Variants in CFAP68 observed in about 807,000 individuals in gnomAD.
The protein encoded by CFAP68 is cilia- and flagella-associated protein 68.
the CFAP68 span, chr11:111,882,549 AAAG>A: frequency 6.2e-7 from 1 of 1,613,754 alleles, no homozygotes; most frequent in Non-Finnish European, 8.5e-7. Flanking sequence ...TGGAACCAGG[AAAG>A]ATATGACCTG....
At chr11:111,881,506 T>C in the CFAP68 span, 8 of 1,536,082 alleles carry the variant, frequency 5.2e-6, no homozygotes, top group Non-Finnish European at 7.0e-6. Context: ...CCAGGTTTGT[T>C]GACATCTTTA....
the CFAP68 span, chr11:111,880,705 C>T: frequency 2.2e-6 from 1 of 452,746 alleles, no homozygotes; most frequent in Non-Finnish European, 4.4e-6. Flanking sequence ...ATGGAGTAGC[C>T]ATTCTTTATT....
At chr11:111,880,310 C>G in the CFAP68 span, among the ~76,000 whole-genome samples, 1 of 152,112 alleles carries the variant, frequency 6.6e-6, no homozygotes, top group African/African-American at 2.4e-5. Flanking sequence ...GGTATTTATA[C>G]CAGAGCAACT....
chr11:111,881,215 A>G, the CFAP68 span: 2 of 1,338,968 alleles, frequency 1.5e-6, no homozygotes, highest in Admixed American at 3.5e-5. Context: ...TTCCAGCCCT[A>G]GAGACAGTTA....
At chr11:111,883,411 G>A in the CFAP68 span, among the ~76,000 whole-genome samples, 1 of 151,988 alleles carries the variant, frequency 6.6e-6, no homozygotes, top group South Asian at 2.1e-4. Flanking sequence ...CCAGCGTGGT[G>A]AAACCCCATC....
the CFAP68 span, chr11:111,883,798 C>G: frequency 6.2e-7 from 1 of 1,613,180 alleles, no homozygotes; most frequent in Non-Finnish European, 8.5e-7. Flanking sequence ...CACTGGTTCC[C>G]AGGACATCAA....
At chr11:111,882,335 G>A in the CFAP68 span, 1 of 1,567,744 alleles carries the variant, frequency 6.4e-7, no homozygotes, top group Admixed American at 1.7e-5. Flanking sequence ...TCTGGTTTAT[G>A]CAATAAGCTT....
chr11:111,882,372 A>G, the CFAP68 span: 1 of 1,613,304 alleles, frequency 6.2e-7, no homozygotes, highest in Non-Finnish European at 8.5e-7. Flanking sequence ...TCCCAGAGAC[A>G]GAACCTCGCC....
chr11:111,885,663 T>C, the CFAP68 span: 1 of 152,180 alleles, frequency 6.6e-6, no homozygotes, highest in South Asian at 2.1e-4. Context: ...TTAAACTGAT[T>C]AGTATTTCCT....
the CFAP68 span, chr11:111,882,552 G>A: frequency 1.2e-6 from 2 of 1,613,430 alleles, no homozygotes; most frequent in Non-Finnish European, 1.7e-6. Flanking sequence ...AACCAGGAAA[G>A]ATATGACCTG....
At chr11:111,879,969 A>G in the CFAP68 span, among the ~76,000 whole-genome samples, 6 of 152,322 alleles carry the variant, frequency 3.9e-5, no homozygotes, top group East Asian at 1.2e-3. Context: ...GAAACAGAAT[A>G]GTTGAGTTTG....
At chr11:111,885,151 C>CAAAAA in the CFAP68 span, 1 of 100,184 alleles carries the variant, frequency 1.0e-5, no homozygotes, top group Non-Finnish European at 2.1e-5. Flanking sequence ...AACTCCGTCT[C>CAAAAA]AAAAAAAAAA....
At chr11:111,883,293 T>C in the CFAP68 span, 1 of 1,161,492 alleles carries the variant, frequency 8.6e-7, no homozygotes, top group Non-Finnish European at 1.2e-6. Context: ...GTAAACTGAA[T>C]AGGTGAATAA....
the CFAP68 span, chr11:111,879,734 C>A: frequency 9.6e-7 from 1 of 1,042,126 alleles, no homozygotes; most frequent in Non-Finnish European, 1.5e-6. Context: ...AATGAGCCTG[C>A]AGTCTGGTGG....
the CFAP68 span, chr11:111,883,179 A>C: frequency 8.9e-6 from 14 of 1,578,388 alleles, no homozygotes; most frequent in African/African-American, 1.3e-5. Flanking sequence ...AGCTACAACA[A>C]CAAAATGCCA....
the CFAP68 span, chr11:111,882,643 G>T: frequency 6.8e-7 from 1 of 1,470,048 alleles, no homozygotes; most frequent in Non-Finnish European, 9.2e-7. Context: ...CCTTCTGTTG[G>T]CAAAAGAAAT....
chr11:111,883,862 T>A, the CFAP68 span: 1 of 1,605,696 alleles, frequency 6.2e-7, no homozygotes, highest in Non-Finnish European at 8.5e-7. Flanking sequence ...CTTACATGAA[T>A]AGCTATTCAA....
At chr11:111,881,140 G>A in the CFAP68 span, 124 of 1,114,620 alleles carry the variant, frequency 1.1e-4, no homozygotes, top group Middle Eastern at 1.5e-3. Context: ...TTAAAGACAA[G>A]TCAGAGTCAA....
the CFAP68 span, chr11:111,882,493 C>T: frequency 1.9e-6 from 3 of 1,614,142 alleles, no homozygotes; most frequent in Non-Finnish European, 2.5e-6. Flanking sequence ...GATGGCGATG[C>T]ACCACTAATG....
Sources: gnomAD v4.1 joint callset for allele counts (sites outside exome capture counted in the v4.1 genomes callset) on GRCh38, gnomAD v4.1.1 for gene constraint, MANE v1.5 for transcripts, NCBI Gene and HGNC (gene_info 2026-07-23, HGNC 2026-07-21) for gene names.